Variants in CCDC171 observed in about 807,000 individuals in gnomAD.
CCDC171 encodes coiled-coil domain-containing protein 171.
CCDC171 carries 177 observed loss-of-function variants against 168.2 expected under a neutral mutation model. The ratio of observed to expected loss-of-function variants is 1.05; its 90% CI spans 0.93 to 1.19. The LOEUF (loss-of-function observed/expected upper bound fraction) is 1.19. Among genes scored for constraint, CCDC171 ranks in the 50% most tolerant of loss-of-function variants. The probability of loss-of-function intolerance (pLI) is 0.00; values close to 1 mark genes in which losing one functional copy is unlikely to be tolerated. For missense variants in CCDC171, 1,991 were observed against 1,539.0 expected (o/e 1.29, Z -4.91); for synonymous variants, 687 against 540.8 (o/e 1.27, Z -3.75).
At chr9:15,849,050 A>C (rs1255186439) in intron 23 of CCDC171, 103 bp downstream of exon 23, 3 of 589,972 alleles carry the variant, frequency 5.1e-6, no homozygotes, top group African/African-American at 2.0e-5. Flanking sequence ...AGTTAAAAAA[A>C]TAAATTAACA....
At chr9:15,650,247 C>T (rs1316625846) in intron 7 of CCDC171, among the ~76,000 whole-genome samples, 6 of 151,836 alleles carry the variant, frequency 4.0e-5, no homozygotes, top group African/African-American at 7.3e-5. Flanking sequence ...CGGGGCCTGT[C>T]GTGGGGTGGA....
chr9:15,890,184 AAGAG>A (rs112603623), intron 24 of CCDC171, among the ~76,000 whole-genome samples: 1 of 151,804 alleles, frequency 6.6e-6, no homozygotes, highest in South Asian at 2.1e-4. Context: ...TTTGAGGGGA[AAGAG>A]AGAATGTGAA....
chr9:15,723,659 A>G (rs766067468), intron 12 of CCDC171, 22 bp from the exon 13 acceptor site: 3 of 1,570,480 alleles, frequency 1.9e-6, no homozygotes, highest in Admixed American at 1.8e-5. Flanking sequence ...TTCATCAGCT[A>G]AACAGCATGA....
chr9:15,860,236 C>T lies in CCDC171; in HGVS notation c.3468+11289C>T, dbSNP rs904271141. ...ATAAACTCTTAGTTTTACTGATTTT[C>T]TCTATTGTGTTTTTCTGTTCTTTAT... On this transcript the variant is annotated intron_variant, in intron 23 of 25. Transcript: ENST00000380701. Among the ~76,000 whole-genome samples, 6 of 150,768 alleles carry T rather than the reference C, an allele frequency of 4.0e-5. No homozygotes were observed. In the East Asian group the frequency reaches 9.8e-4, roughly 25 times the overall value.
chr9:15,919,152 C>G (rs1176486248), intron 24 of CCDC171, among the ~76,000 whole-genome samples: 1 of 151,602 alleles, frequency 6.6e-6, no homozygotes, highest in African/African-American at 2.4e-5. Flanking sequence ...TTTGGGCTCA[C>G]AAGAGGATTC....
chr9:15,798,000 A>G lies in CCDC171; in HGVS notation c.3267+13306A>G, dbSNP rs118081246. Among the ~76,000 whole-genome samples the G allele has an allele frequency of 1.4e-3, 214 of 152,148 alleles. 2 individuals are homozygous for G. The highest frequency in any genetic ancestry group is 3.4e-3 in the Middle Eastern group (1 of 294). On this transcript the variant is annotated intron_variant, in intron 21 of 25. Transcript: ENST00000380701. ...GACTCTGTCTCTGTTTCATTGATCT[A>G]TATGTCTTCCTTTTTGCTAATTCCA...
Position 15,564,021 on chromosome 9 carries a change from T to G in CCDC171, c.-68T>G. 4 of 1,304,450 alleles carry G rather than the reference T, an allele frequency of 3.1e-6. No homozygotes were observed. Among genetic ancestry groups the G allele is most frequent in the South Asian group, 2.5e-5 (2 of 80,654 alleles). The allele number at this position is 1,304,450 out of a possible 1,614,324, so 80.8% of individuals were successfully genotyped here. ...TGAAGCCACAGACATCTTGGGCAAT[T>G]TTAATCATCAAGAAAGAAATATGTC... On this transcript the variant is annotated 5_prime_UTR_variant, in exon 2 of 26. In the 5' UTR this introduces an upstream ATG that the reference lacks. Coordinates refer to ENST00000380701, the MANE Select transcript of CCDC171 (RefSeq NM_173550.4).
At chr9:15,642,725 ATT>A (rs2046741343) in intron 7 of CCDC171, among the ~76,000 whole-genome samples, 1 of 152,118 alleles carries the variant, frequency 6.6e-6, no homozygotes, top group African/African-American at 2.4e-5. Flanking sequence ...GCACCTTATA[ATT>A]TTCTGACATT....
At chr9:16,030,962 G>A (rs4247294) in intron 6 of CCDC171, among the ~76,000 whole-genome samples, 56,667 of 152,018 alleles carry the variant, frequency 0.37, 12,449 homozygotes, top group East Asian at 0.63. Context: ...GTGATTCAGC[G>A]TTCAGGGGCA....
the CCDC171 span, among the ~76,000 whole-genome samples, chr9:16,098,408 A>G: frequency 6.6e-6 from 1 of 152,342 alleles, no homozygotes; most frequent in East Asian, 1.9e-4. Context: ...GAATATGTGA[A>G]TAAGAGCTGC....
intron 21 of CCDC171, among the ~76,000 whole-genome samples, chr9:15,819,324 A>C (rs1308378888): frequency 8.5e-6 from 1 of 117,686 alleles, no homozygotes; most frequent in Non-Finnish European, 1.9e-5. Context: ...TAATGACAGG[A>C]TCAGATTCAC....
intron 6 of CCDC171, among the ~76,000 whole-genome samples, chr9:15,604,160 A>G (rs1488532116): frequency 6.6e-6 from 1 of 150,754 alleles, no homozygotes; most frequent in Non-Finnish European, 1.5e-5. Flanking sequence ...CCTTTGTCAG[A>G]TGGATAGATT....
At position 15,948,062 on chromosome 9, in the gene CCDC171, G is replaced by C. The variant is rs557238937; in HGVS notation, c.3754-23547G>C. Among the ~76,000 whole-genome samples the C allele has an allele frequency of 4.2e-4, 64 of 150,864 alleles. 1 individual carries two copies. The highest frequency in any genetic ancestry group is 3.4e-3 in the Middle Eastern group (1 of 294). On this transcript the variant is annotated intron_variant, in intron 25 of 25. Transcript: ENST00000380701. ...CATTGTTCAATTCCCACCTATGAGT[G>C]AGAATATGTGGTGTTTGGTTTTTTG...
intron 25 of CCDC171, among the ~76,000 whole-genome samples, chr9:15,934,049 G>T (rs1413272085): frequency 6.6e-6 from 1 of 151,842 alleles, no homozygotes; most frequent in African/African-American, 2.4e-5. Context: ...TCCATACTAT[G>T]CAAAGAACTC....
chr9:15,751,025 C>T (rs2055702061), intron 18 of CCDC171, among the ~76,000 whole-genome samples: 1 of 152,120 alleles, frequency 6.6e-6, no homozygotes, highest in Non-Finnish European at 1.5e-5. Flanking sequence ...TTTAGAAAAC[C>T]CCATCGTCTC....
Position 16,058,399 on chromosome 9 carries a change from G to C in CCDC171, n.90-2247G>C, listed in dbSNP as rs577250258. On this transcript the variant is annotated intron_variant and non_coding_transcript_variant, in intron 1 of 1. Coordinates refer to the CCDC171 transcript ENST00000478913. ...CCTTGCCTGTTACCCTGCAGTGACA[G>C]CAGGTATGCTGCAGGTATGCTGCAG... Among the ~76,000 whole-genome samples, 15 of 151,918 alleles carry C rather than the reference G, an allele frequency of 9.9e-5. No individual in the cohort carries two copies. The South Asian group carries it at 3.1e-3, about 32-fold the overall frequency.
At chr9:15,632,015 G>A (rs376779951) in intron 7 of CCDC171, among the ~76,000 whole-genome samples, 7 of 152,180 alleles carry the variant, frequency 4.6e-5, no homozygotes, top group Admixed American at 1.3e-4. Flanking sequence ...TTGATGGGAC[G>A]TGTCTCAAAA....
intron 6 of CCDC171, among the ~76,000 whole-genome samples, chr9:15,600,953 T>C (rs1175376179): frequency 6.6e-6 from 1 of 152,188 alleles, no homozygotes; most frequent in South Asian, 2.1e-4. Context: ...GGATACAATC[T>C]CCTGGTGTGC....
In CCDC171 at chr9:15,807,361, G is replaced by A. The variant is rs1423722838; in HGVS notation, c.3267+22667G>A. Among the ~76,000 whole-genome samples the A allele has an allele frequency of 2.0e-5, 3 of 152,122 alleles. No homozygotes were observed. In the South Asian group the frequency reaches 6.2e-4, roughly 32 times the overall value. On this transcript the variant is annotated intron_variant, in intron 21 of 25. Coordinates refer to ENST00000380701, the MANE Select transcript of CCDC171 (RefSeq NM_173550.4). ...CTTGTAATTTTTTATTGATTGCTGG[G>A]CATTGTGTTGCTTCTTTTATAGAGT... is the stretch of plus-strand genomic sequence containing the variant.
Sources: gnomAD v4.1 joint callset for allele counts (sites outside exome capture counted in the v4.1 genomes callset) on GRCh38, gnomAD v4.1.1 for gene constraint, MANE v1.5 for transcripts, NCBI Gene and HGNC (gene_info 2026-07-23, HGNC 2026-07-21) for gene names.